The following PPL variants were observed in gnomAD, a reference collection of about 807,000 sequenced individuals.
PPL encodes the protein periplakin, also known as 190 kDa paraneoplastic pemphigus antigen.
A neutral mutation model predicts 194.4 loss-of-function variants in PPL; 198 were observed. The observed-to-expected ratio is 1.02, with a 90% CI of 0.91 to 1.15. The LOEUF is 1.15. PPL is among the 50% of genes most tolerant of loss of function. The pLI, the probability that PPL is intolerant of heterozygous loss-of-function variation, is 0.00. For missense variants in PPL, 2,885 were observed against 2,294.8 expected, an observed-to-expected ratio of 1.26 and a Z score of -5.25; for synonymous variants, 1,220 against 972.4, an observed-to-expected ratio of 1.25 and a Z score of -4.74.
In PPL at chr16:4,934,236, C is replaced by T. The variant is rs141718478; in HGVS notation, c.62+2748G>A. The stretch of plus-strand genomic sequence containing the variant: ...CGGGCAACGGGAGCAACGGGGTTCA[C>T]ACCCTGTCCCGGCCCTCCCCAGCTT... On this transcript the variant is annotated intron_variant, in intron 1 of 21. Transcript: ENST00000345988. Among the ~76,000 whole-genome samples, 971 of 152,226 alleles carry T rather than the reference C, an allele frequency of 6.4e-3. 8 individuals are homozygous for T. Among genetic ancestry groups the T allele is most frequent in the Non-Finnish European group, 0.01 (713 of 68,018 alleles).
At chr16:4,908,162 C>CAAAAAA (rs55889324) in intron 2 of PPL, among the ~76,000 whole-genome samples, 1 of 73,258 alleles carries the variant, frequency 1.4e-5, no homozygotes, top group Non-Finnish European at 2.8e-5. Context: ...AGACTGTCTC[C>CAAAAAA]AAAAAAAAAA....
At chr16:4,904,785 A>G (rs934433299) in intron 2 of PPL, among the ~76,000 whole-genome samples, 8 of 152,148 alleles carry the variant, frequency 5.3e-5, no homozygotes, top group Non-Finnish European at 1.2e-4. Flanking sequence ...GGGGCTCTGC[A>G]GAGAGGACAG....
At chr16:4,928,632 G>T (rs1360551449) in intron 1 of PPL, among the ~76,000 whole-genome samples, 1 of 152,224 alleles carries the variant, frequency 6.6e-6, no homozygotes, top group Non-Finnish European at 1.5e-5. Context: ...GCGATGGTTT[G>T]TTTCCCATCG....
intron 1 of PPL, among the ~76,000 whole-genome samples, chr16:4,933,696 G>A (rs568366973): frequency 6.6e-6 from 1 of 152,266 alleles, no homozygotes; most frequent in African/African-American, 2.4e-5. Context: ...AACCATACAT[G>A]TACTGAAGCT....
intron 1 of PPL, among the ~76,000 whole-genome samples, chr16:4,929,778 C>T (rs1002924513): frequency 2.6e-5 from 4 of 152,114 alleles, no homozygotes; most frequent in African/African-American, 9.7e-5. Flanking sequence ...CCTTGAATTC[C>T]TGGACTCAGG....
chr16:4,901,182 G>A, intron 4 of PPL, 93 bp from the exon 5 acceptor site: 4 of 1,415,928 alleles, frequency 2.8e-6, no homozygotes, highest in Admixed American at 2.2e-5. Context: ...GGGCATGATG[G>A]TGCTCTCTTT....
chr16:4,883,666 AG>A lies in PPL; in HGVS notation c.4988del (p.Pro1663LeufsTer24). The A allele has an allele frequency of 6.2e-7, 1 of 1,614,118 alleles. No homozygotes were observed. Among genetic ancestry groups the A allele is most frequent in the East Asian group, 2.2e-5 (1 of 44,868 alleles). On this transcript the variant is annotated frameshift_variant, in exon 22 of 22. Transcript: ENST00000345988. LOFTEE classifies it high-confidence loss of function. The surrounding 1 kb of genome is among the most constrained non-coding windows in gnomAD (Gnocchi z 4.8). ...CCGGGGACAGCTCGCGGCCTGTGTC[AG>A]GGTGGATGACTACGATGGAGCGCCG... is the stretch of plus-strand genomic sequence containing the variant. ...HLRRSIVVIH[P>X]DTGRELSPEE...
intron 1 of PPL, among the ~76,000 whole-genome samples, chr16:4,912,842 A>G (rs764553444): frequency 1.2e-4 from 19 of 152,248 alleles, no homozygotes; most frequent in South Asian, 8.3e-4. Flanking sequence ...GGTGGCTCAT[A>G]CCTGTAATCC....
intron 14 of PPL, 34 bp from the exon 15 acceptor site, chr16:4,892,247 A>C (rs2088335052): frequency 3.8e-6 from 6 of 1,590,370 alleles, no homozygotes; most frequent in Non-Finnish European, 4.3e-6. Flanking sequence ...TTTTGGACAC[A>C]GCCAGGCAGC....
At chr16:4,889,525 G>A (rs558138951) in intron 18 of PPL, among the ~76,000 whole-genome samples, 9 of 151,974 alleles carry the variant, frequency 5.9e-5, no homozygotes, top group African/African-American at 1.4e-4. Flanking sequence ...CCAAAATGCC[G>A]GGATTACAGG....
Position 4,883,362 on chromosome 16 carries a change from C to A in PPL, c.*22G>T, listed in dbSNP as rs760433061. ...AGGAGAGGGCCAGCGTCTGCCGTTA[C>A]GAAGAGTTGCAAGAGCTGTGCCTAC... On this transcript the variant is annotated 3_prime_UTR_variant, in exon 22 of 22. Coordinates refer to ENST00000345988, the MANE Select transcript of PPL (RefSeq NM_002705.5). The surrounding 1 kb of genome is among the most constrained non-coding windows in gnomAD (Gnocchi z 4.8). The A allele has an allele frequency of 6.2e-7, 1 of 1,612,812 alleles. No homozygotes were observed. The highest frequency in any genetic ancestry group is 8.5e-7 in the Non-Finnish European group (1 of 1,179,882).
chr16:4,897,588 G>C, intron 9 of PPL, 87 bp downstream of exon 9: 3 of 1,044,622 alleles, frequency 2.9e-6, no homozygotes, highest in East Asian at 4.9e-5. Context: ...CAAGGAGCAC[G>C]AGGCCACACA....
At chr16:4,911,740 G>T (rs945366343) in intron 1 of PPL, among the ~76,000 whole-genome samples, 1 of 151,888 alleles carries the variant, frequency 6.6e-6, no homozygotes, top group Non-Finnish European at 1.5e-5. Flanking sequence ...GTTTCACCAT[G>T]TCACCCAGGC....
intron 20 of PPL, 26 bp from the exon 21 acceptor site, chr16:4,887,253 G>T: frequency 1.3e-6 from 2 of 1,567,074 alleles, no homozygotes; most frequent in Non-Finnish European, 1.8e-6. Flanking sequence ...TTAGGAGAGC[G>T]GTCAACAAAC....
Position 4,902,393 on chromosome 16 carries a change from G to C in PPL, c.438+13C>G. 2 of 1,613,454 alleles carry C rather than the reference G, an allele frequency of 1.2e-6. No homozygotes were observed. The highest frequency in any genetic ancestry group is 1.7e-6 in the Non-Finnish European group (2 of 1,179,646). ...CTGAAACCCTGGAGCCAGCGGCCCC[G>C]TCCAGGCCATACCAGCTTCTCCTCC... On this transcript the variant is annotated intron_variant, in intron 4 of 21. Transcript: ENST00000345988. The surrounding 1 kb of genome is among the most constrained non-coding windows in gnomAD (Gnocchi z 4.0).
At chr16:4,928,219 C>A (rs1379572516) in intron 1 of PPL, among the ~76,000 whole-genome samples, 1 of 152,274 alleles carries the variant, frequency 6.6e-6, no homozygotes, top group African/African-American at 2.4e-5. Flanking sequence ...TCACTCACTG[C>A]AGCCTTCAAC....
rs748912205 is a variant in PPL, at chr16:4,891,808, C to T, written c.1968+3G>A. 26 of 1,607,146 alleles carry T rather than the reference C, an allele frequency of 1.6e-5. No individual in the cohort carries two copies. The highest frequency in any genetic ancestry group is 2.7e-5 in the African/African-American group (2 of 74,750). ...ACTCCCAGGACTTGGGCCCTAGACT[C>T]ACCGCCAGCTCCTGCCCCTTGCTGT... On this transcript the variant is annotated splice_donor_region_variant and intron_variant, in intron 16 of 21. Coordinates refer to ENST00000345988, the MANE Select transcript of PPL (RefSeq NM_002705.5).
intron 9 of PPL, among the ~76,000 whole-genome samples, chr16:4,895,964 T>G (rs1357429588): frequency 3.3e-5 from 5 of 152,232 alleles, no homozygotes; most frequent in African/African-American, 1.2e-4. Flanking sequence ...ATGCCACCTC[T>G]GTGACATGTT....
In PPL at chr16:4,888,194, G is replaced by A; in HGVS notation, c.2422C>T (p.Leu808=). 5 of 1,612,924 alleles carry A rather than the reference G, an allele frequency of 3.1e-6. No individual in the cohort carries two copies. Among genetic ancestry groups the A allele is most frequent in the Non-Finnish European group, 4.2e-6 (5 of 1,178,918 alleles). ...VKDYELEAEK[L]RSLLDLENGR... ...TTCTCCAAGTCGAGAAGAGACCTTAGTTTTTCTGCTTCTAACTCATAGTCC... is the reference window on the plus strand; with the variant it reads ...TTCTCCAAGTCGAGAAGAGACCTTAATTTTTCTGCTTCTAACTCATAGTCC... The change falls in exon 20 of 22, where the codon CTA becomes TTA. Residue 808 remains leucine, a synonymous_variant. Transcript: ENST00000345988.
Sources: allele counts gnomAD v4.1 joint callset (sites outside exome capture counted in the v4.1 genomes callset), GRCh38; gene constraint gnomAD v4.1.1; non-coding constraint Gnocchi (gnomAD v3.1); transcripts MANE v1.5; gene names NCBI Gene and HGNC (gene_info 2026-07-23, HGNC 2026-07-21).